Variants in KAT2B observed in about 807,000 individuals in gnomAD.
The protein encoded by KAT2B is histone acetyltransferase KAT2B.
A neutral mutation model predicts 105.9 loss-of-function variants in KAT2B; 36 were observed. The ratio of observed to expected loss-of-function variants is 0.34; its 90% CI spans 0.26 to 0.45. The LOEUF (loss-of-function observed/expected upper bound fraction) is 0.45, where lower values mean the gene tolerates loss of function less well. KAT2B is among the 20% of genes least tolerant of loss of function. KAT2B has a pLI of 1.00. For missense variants in KAT2B, 820 were observed against 1,021.6 expected (o/e 0.80, Z 2.69); for synonymous variants, 397 against 377.9 (o/e 1.05, Z -0.59).
At chr3:20,094,719 G>T (rs1698779887) in intron 2 of KAT2B, among the ~76,000 whole-genome samples, 1 of 152,060 alleles carries the variant, frequency 6.6e-6, no homozygotes, top group Non-Finnish European at 1.5e-5. Flanking sequence ...CAGACAGTGA[G>T]GTTTTAGTGT....
chr3:20,064,382 G>A (rs1698190311), intron 1 of KAT2B, among the ~76,000 whole-genome samples: 1 of 152,104 alleles, frequency 6.6e-6, no homozygotes, highest in Non-Finnish European at 1.5e-5. Flanking sequence ...TAGCTATTTT[G>A]TAATATGCAA....
At chr3:20,111,490 A>G (rs145428780) in intron 5 of KAT2B, 106 bp from the exon 6 acceptor site, 1 of 885,296 alleles carries the variant, frequency 1.1e-6, no homozygotes, top group Non-Finnish European at 1.7e-6. Flanking sequence ...TTGCAGGCCT[A>G]GTTTTTTTCT....
chr3:20,147,232 C>A (rs1699795920), intron 14 of KAT2B, among the ~76,000 whole-genome samples: 2 of 152,100 alleles, frequency 1.3e-5, no homozygotes, highest in South Asian at 4.2e-4. Context: ...TTACATGTGC[C>A]CTCTGGCAGA....
chr3:20,072,257 C>A, intron 1 of KAT2B, 76 bp from the exon 2 acceptor site: 1 of 1,435,352 alleles, frequency 7.0e-7, no homozygotes, highest in Non-Finnish European at 9.8e-7. Context: ...AATTAGTGTA[C>A]ATTGTTCTCA....
intron 6 of KAT2B, among the ~76,000 whole-genome samples, chr3:20,112,607 C>A (rs1159444111): frequency 6.6e-6 from 1 of 152,170 alleles, no homozygotes; most frequent in Non-Finnish European, 1.5e-5. Flanking sequence ...ACAGTTCATT[C>A]TGTGATTATC....
intron 2 of KAT2B, among the ~76,000 whole-genome samples, chr3:20,083,914 A>G (rs1698566421): frequency 6.6e-6 from 1 of 152,046 alleles, no homozygotes; most frequent in South Asian, 2.1e-4. Context: ...TGGTGCACCT[A>G]TTTTGTTGGG....
chr3:20,091,244 T>A (rs898626812), intron 2 of KAT2B, among the ~76,000 whole-genome samples: 7 of 152,198 alleles, frequency 4.6e-5, no homozygotes, highest in African/African-American at 1.7e-4. Context: ...AGGTTGTACA[T>A]TTTCAGGAAT....
chr3:20,119,846 A>G lies in KAT2B; in HGVS notation c.1276+123A>G, dbSNP rs1575145113. The stretch of plus-strand genomic sequence containing the variant: ...GTGCATGTCCAGGATTTTAACAGCT[A>G]GAAATAACTTTGTATTAGGCTTTTG... On this transcript the variant is annotated intron_variant, in intron 8 of 17. Transcript: ENST00000263754. The G allele has an allele frequency of 2.9e-6, 3 of 1,029,208 alleles. No homozygotes were observed. The East Asian group carries it at 7.7e-5, about 27-fold the overall frequency. The allele number at this position is 1,029,208 out of a possible 1,614,324, so 63.8% of individuals were successfully genotyped here.
chr3:20,074,907 G>T (rs1478598031), intron 2 of KAT2B, among the ~76,000 whole-genome samples: 1 of 152,158 alleles, frequency 6.6e-6, no homozygotes, highest in African/African-American at 2.4e-5. Flanking sequence ...CCAAATACAG[G>T]ATGCTGACTC....
intron 1 of KAT2B, among the ~76,000 whole-genome samples, chr3:20,068,359 C>G (rs541509230): frequency 6.6e-6 from 1 of 151,184 alleles, no homozygotes; most frequent in African/African-American, 2.4e-5. Context: ...CCTTTACTTT[C>G]TGTTGAGCAA....
At chr3:20,135,332 G>A (rs1297512553) in intron 11 of KAT2B, among the ~76,000 whole-genome samples, 3 of 152,090 alleles carry the variant, frequency 2.0e-5, no homozygotes, top group African/African-American at 7.2e-5. Flanking sequence ...CTTTAGAAAG[G>A]CATTGTTATA....
chr3:20,139,225 T>C (rs1699657226), intron 12 of KAT2B, among the ~76,000 whole-genome samples: 1 of 152,188 alleles, frequency 6.6e-6, no homozygotes, highest in Admixed American at 6.5e-5. Flanking sequence ...AGACTTCTTT[T>C]TTTTTAAAAA....
At chr3:20,050,021 G>A (rs1214144669) in intron 1 of KAT2B, among the ~76,000 whole-genome samples, 1 of 152,064 alleles carries the variant, frequency 6.6e-6, no homozygotes, top group African/African-American at 2.4e-5. Flanking sequence ...GCAACACGGT[G>A]AGACCCGGTC....
At chr3:20,082,908 A>G (rs1698545236) in intron 2 of KAT2B, among the ~76,000 whole-genome samples, 1 of 152,184 alleles carries the variant, frequency 6.6e-6, no homozygotes, top group African/African-American at 2.4e-5. Context: ...TCAAATTGGC[A>G]GGTACACAGG....
At chr3:20,093,928 T>C (rs1382013357) in intron 2 of KAT2B, among the ~76,000 whole-genome samples, 1 of 152,198 alleles carries the variant, frequency 6.6e-6, no homozygotes, top group Non-Finnish European at 1.5e-5. Context: ...AGGGATCCTT[T>C]TTCAAGTGAA....
At chr3:20,106,452 C>CAGAG (rs1553592038) in intron 5 of KAT2B, among the ~76,000 whole-genome samples, 1 of 151,838 alleles carries the variant, frequency 6.6e-6, no homozygotes, top group Non-Finnish European at 1.5e-5. Context: ...CACACACACA[C>CAGAG]ACACACACAC....
intron 8 of KAT2B, 151 bp downstream of exon 8, chr3:20,119,874 T>C (rs1227254782): frequency 2.6e-6 from 2 of 762,116 alleles, no homozygotes; most frequent in Non-Finnish European, 2.1e-6. Context: ...GGCTTTTGGC[T>C]GTACTGGTTA....
intron 9 of KAT2B, among the ~76,000 whole-genome samples, chr3:20,123,418 C>T (rs190269162): frequency 1.3e-5 from 2 of 152,250 alleles, no homozygotes; most frequent in African/African-American, 4.8e-5. Context: ...CAAATCTGCT[C>T]CACTGGCTGT....
intron 11 of KAT2B, among the ~76,000 whole-genome samples, chr3:20,131,361 C>A (rs547134387): frequency 1.3e-5 from 2 of 152,042 alleles, no homozygotes; most frequent in Admixed American, 6.6e-5. Flanking sequence ...GATTAATGAA[C>A]AACTTTTGAG....
Sources: gnomAD v4.1 joint callset for allele counts (sites outside exome capture counted in the v4.1 genomes callset) on GRCh38, gnomAD v4.1.1 for gene constraint, MANE v1.5 for transcripts, NCBI Gene and HGNC (gene_info 2026-07-23, HGNC 2026-07-21) for gene names.